The following MARCHF4 variants were observed in gnomAD, a reference collection of about 807,000 sequenced individuals.
MARCHF4 encodes the protein membrane associated ring-CH-type finger 4.
In MARCHF4, 14 loss-of-function variants were observed where a neutral mutation model predicts 43.9. That is an observed-to-expected ratio of 0.32 (90% CI 0.21 to 0.50). The LOEUF (loss-of-function observed/expected upper bound fraction) is 0.50, where lower values mean the gene tolerates loss of function less well. Among genes scored for constraint, MARCHF4 ranks in the 20% least tolerant of loss-of-function variants. The pLI is 0.98. For missense variants in MARCHF4, 468 were observed against 536.7 expected (o/e 0.87, Z 1.27); for synonymous variants, 226 against 213.3 (o/e 1.06, Z -0.52).
At chr2:216,279,856 C>T (rs142094751) in intron 2 of MARCHF4, among the ~76,000 whole-genome samples, 1 of 152,222 alleles carries the variant, frequency 6.6e-6, no homozygotes, top group Non-Finnish European at 1.5e-5. Context: ...TCATGCACAA[C>T]AAATGCTTTT....
At chr2:216,345,357 T>C (rs1692303262) in intron 1 of MARCHF4, among the ~76,000 whole-genome samples, 1 of 152,148 alleles carries the variant, frequency 6.6e-6, no homozygotes, top group Admixed American at 6.5e-5. Flanking sequence ...TTTTTTTTTT[T>C]TTTAAGAATC....
At chr2:216,281,194 G>A (rs770191570) in intron 2 of MARCHF4, among the ~76,000 whole-genome samples, 27 of 150,904 alleles carry the variant, frequency 1.8e-4, no homozygotes, top group Admixed American at 6.0e-4. Flanking sequence ...TCAGCCTCCC[G>A]AGTAGCTGGG....
chr2:216,321,232 A>G (rs1472686472), intron 1 of MARCHF4, among the ~76,000 whole-genome samples: 1 of 152,162 alleles, frequency 6.6e-6, no homozygotes, highest in Non-Finnish European at 1.5e-5. Flanking sequence ...TCAAACAAAT[A>G]TTAAATTAGA....
At chr2:216,344,645 T>C (rs568672637) in intron 1 of MARCHF4, among the ~76,000 whole-genome samples, 1 of 152,168 alleles carries the variant, frequency 6.6e-6, no homozygotes, top group African/African-American at 2.4e-5. Context: ...TCCAAGGAAC[T>C]GTTTCAGTCA....
At chr2:216,307,703 C>A (rs901647644) in intron 1 of MARCHF4, among the ~76,000 whole-genome samples, 16 of 152,092 alleles carry the variant, frequency 1.1e-4, no homozygotes, top group Admixed American at 7.9e-4. Context: ...CGTGACAGCT[C>A]GACTGAATAC....
chr2:216,350,091 A>C (rs1304324123), intron 1 of MARCHF4, among the ~76,000 whole-genome samples: 2 of 151,942 alleles, frequency 1.3e-5, no homozygotes, highest in Non-Finnish European at 2.9e-5. Flanking sequence ...ACATGACCTC[A>C]CTATGCCACA....
intron 1 of MARCHF4, among the ~76,000 whole-genome samples, chr2:216,290,539 A>C (rs1254027821): frequency 6.6e-6 from 1 of 152,160 alleles, no homozygotes; most frequent in East Asian, 1.9e-4. Flanking sequence ...GGCAATCATG[A>C]GTGTTTTGAG....
intron 1 of MARCHF4, among the ~76,000 whole-genome samples, chr2:216,296,698 T>C (rs1475450015): frequency 6.6e-6 from 1 of 152,258 alleles, no homozygotes; most frequent in African/African-American, 2.4e-5. Context: ...GCCCACTTTA[T>C]AAAGACATTG....
In MARCHF4 at chr2:216,372,246, G is replaced by T. The variant is rs1052354932; in HGVS notation, c.-1986C>A. Among the ~76,000 whole-genome samples, 9 of 152,176 alleles carry T rather than the reference G, an allele frequency of 5.9e-5. No homozygotes were observed. Among genetic ancestry groups the T allele is most frequent in the Non-Finnish European group, 1.0e-4 (7 of 68,030 alleles). On this transcript the variant is annotated 5_prime_UTR_variant, in exon 1 of 4. Coordinates refer to ENST00000273067, the MANE Select transcript of MARCHF4 (RefSeq NM_020814.3). ...GAGGTGGCGGGGCGGCGAGCTGACC[G>T]TCCGAGAACTGGAAACAAGGTTCTT...
intron 1 of MARCHF4, among the ~76,000 whole-genome samples, chr2:216,324,620 A>G (rs1691957472): frequency 6.6e-6 from 1 of 151,418 alleles, no homozygotes; most frequent in South Asian, 2.1e-4. Flanking sequence ...ATCTACCATG[A>G]TCAAGTGGGC....
At chr2:216,302,727 G>A (rs1254531796) in intron 1 of MARCHF4, among the ~76,000 whole-genome samples, 12 of 151,024 alleles carry the variant, frequency 7.9e-5, no homozygotes, top group African/African-American at 2.7e-4. Context: ...ATGAAACCCC[G>A]TCTCCACTAA....
chr2:216,353,119 C>G (rs1034150075), intron 1 of MARCHF4, among the ~76,000 whole-genome samples: 1 of 152,084 alleles, frequency 6.6e-6, no homozygotes, highest in Non-Finnish European at 1.5e-5. Context: ...AACCACGGAG[C>G]CTAACTTCAA....
intron 1 of MARCHF4, among the ~76,000 whole-genome samples, chr2:216,354,946 T>TTTTGAGA (rs1692470158): frequency 7.0e-6 from 1 of 143,608 alleles, no homozygotes; most frequent in African/African-American, 2.7e-5. Context: ...TTTCTTTCTT[T>TTTTGAGA]CTTTCTTTCT....
At chr2:216,345,962 T>C (rs189675984) in intron 1 of MARCHF4, among the ~76,000 whole-genome samples, 71 of 152,232 alleles carry the variant, frequency 4.7e-4, no homozygotes, top group Middle Eastern at 6.8e-3. Context: ...GATGTCTGCT[T>C]TTCCCTAGAG....
At chr2:216,347,600 C>T (rs1692341038) in intron 1 of MARCHF4, among the ~76,000 whole-genome samples, 2 of 151,836 alleles carry the variant, frequency 1.3e-5, no homozygotes, top group Non-Finnish European at 2.9e-5. Flanking sequence ...TGGTGGTGGG[C>T]GCCTGTAATC....
chr2:216,283,772 T>C (rs546519919), intron 1 of MARCHF4, 43 bp from the exon 2 acceptor site: 4 of 1,533,194 alleles, frequency 2.6e-6, no homozygotes, highest in Admixed American at 1.7e-5. Flanking sequence ...AGACCTACAG[T>C]GGCTGGTGGG....
At chr2:216,296,124 C>A (rs1691389298) in intron 1 of MARCHF4, among the ~76,000 whole-genome samples, 1 of 151,976 alleles carries the variant, frequency 6.6e-6, no homozygotes, top group African/African-American at 2.4e-5. Flanking sequence ...CCAGCCTGGG[C>A]AACAGAGCAA....
intron 3 of MARCHF4, among the ~76,000 whole-genome samples, chr2:216,265,114 T>C (rs955099070): frequency 1.3e-5 from 2 of 151,916 alleles, no homozygotes; most frequent in African/African-American, 4.8e-5. Flanking sequence ...GATAGAGAAA[T>C]AGACTGGATT....
chr2:216,344,707 A>G (rs1692288629), intron 1 of MARCHF4, among the ~76,000 whole-genome samples: 1 of 151,910 alleles, frequency 6.6e-6, no homozygotes, highest in Non-Finnish European at 1.5e-5. Context: ...TAAGGAGATG[A>G]AAGAGGGAGG....
Sources: gnomAD v4.1 joint callset for allele counts (sites outside exome capture counted in the v4.1 genomes callset) on GRCh38, gnomAD v4.1.1 for gene constraint, MANE v1.5 for transcripts, NCBI Gene and HGNC (gene_info 2026-07-23, HGNC 2026-07-21) for gene names.